Variants in SPICE1 observed in about 807,000 individuals in gnomAD.
SPICE1 encodes spindle and centriole associated protein 1, also known as spindle and centriole-associated protein 1.
In SPICE1, 75 loss-of-function variants were observed where a neutral mutation model predicts 102.7. The observed-to-expected ratio is 0.73, with a 90% CI of 0.61 to 0.88. The LOEUF (loss-of-function observed/expected upper bound fraction) is 0.88. SPICE1 is among the 40% of genes least tolerant of loss of function. SPICE1 has a pLI of 0.00. For missense variants in SPICE1, 979 were observed against 1,020.1 expected (o/e 0.96, Z 0.55); for synonymous variants, 308 against 350.3 (o/e 0.88, Z 1.35).
chr3:113,514,510 C>G, intron 1 of SPICE1: 1 of 385,632 alleles, frequency 2.6e-6, no homozygotes, highest in Admixed American at 3.1e-5. Flanking sequence ...CTTTTCTTTC[C>G]AGTGTTCTCT....
intron 12 of SPICE1, chr3:113,460,119 A>C: frequency 1.0e-6 from 1 of 985,472 alleles, no homozygotes; most frequent in Non-Finnish European, 1.2e-6. Context: ...ATATGATGGC[A>C]CATGAGATGA....
At position 113,468,910 on chromosome 3, in the gene SPICE1, G is replaced by T; in HGVS notation, c.752-11C>A. 1 of 1,598,114 alleles carries T rather than the reference G, an allele frequency of 6.3e-7. No homozygotes were observed. Among genetic ancestry groups the T allele is most frequent in the South Asian group, 1.1e-5 (1 of 87,628 alleles). ...TAGCATTCAGAGCAGCTAAAAGGAAGAACATTTCCAAAAGTATCTCAAGTG... is the reference window on the plus strand; with the variant it reads ...TAGCATTCAGAGCAGCTAAAAGGAATAACATTTCCAAAAGTATCTCAAGTG... On this transcript the variant is annotated splice_polypyrimidine_tract_variant and intron_variant, in intron 8 of 17. Transcript: ENST00000295872.
At chr3:113,459,466 CAAT>C in intron 12 of SPICE1, 1 of 966,610 alleles carries the variant, frequency 1.0e-6, no homozygotes. Context: ...CAAAAAAAAA[CAAT>C]AATTCTACAA....
intron 16 of SPICE1, among the ~76,000 whole-genome samples, chr3:113,447,550 A>G (rs1258599018): frequency 6.6e-6 from 1 of 152,200 alleles, no homozygotes; most frequent in Non-Finnish European, 1.5e-5. Flanking sequence ...ATGGGGAAAA[A>G]GGTCCAGGTA....
Position 113,485,009 on chromosome 3 carries a change from T to G in SPICE1, c.611+3936A>C, listed in dbSNP as rs1329598442. Among the ~76,000 whole-genome samples, 4 of 152,182 alleles carry G rather than the reference T, an allele frequency of 2.6e-5. No homozygotes were observed. The East Asian group carries it at 7.7e-4, about 29-fold the overall frequency. Reference sequence around the variant, plus strand: ...AAGGGAATCCAGGAGGGACTGAGCCTGAGGAACCTTGCACTCTGACCCAGA... The same window carrying G: ...AAGGGAATCCAGGAGGGACTGAGCCGGAGGAACCTTGCACTCTGACCCAGA... On this transcript the variant is annotated intron_variant, in intron 7 of 17. Coordinates refer to ENST00000295872, the MANE Select transcript of SPICE1 (RefSeq NM_144718.4).
At chr3:113,461,227 T>C (rs1286931735) in intron 11 of SPICE1, among the ~76,000 whole-genome samples, 1 of 151,876 alleles carries the variant, frequency 6.6e-6, no homozygotes, top group East Asian at 1.9e-4. Flanking sequence ...AATATAAATA[T>C]TAATTACAAC....
intron 1 of SPICE1, among the ~76,000 whole-genome samples, chr3:113,507,953 A>G (rs1279781973): frequency 6.6e-6 from 1 of 152,162 alleles, no homozygotes; most frequent in African/African-American, 2.4e-5. Flanking sequence ...TACAGAATAT[A>G]ATAGAACAAA....
chr3:113,452,798 T>C (rs1935687575), intron 14 of SPICE1, among the ~76,000 whole-genome samples: 1 of 151,814 alleles, frequency 6.6e-6, no homozygotes, highest in Non-Finnish European at 1.5e-5. Context: ...ACCAACATGG[T>C]GAAACCCCGT....
chr3:113,509,154 G>C (rs1411416917), intron 1 of SPICE1, among the ~76,000 whole-genome samples: 2 of 152,188 alleles, frequency 1.3e-5, no homozygotes, highest in African/African-American at 2.4e-5. Context: ...TCTGAAATTA[G>C]ATAGTAATGT....
In SPICE1 at chr3:113,453,262, T is replaced by C. The variant is rs187690429; in HGVS notation, c.2142+204A>G. On this transcript the variant is annotated intron_variant, in intron 14 of 17. Coordinates refer to ENST00000295872, the MANE Select transcript of SPICE1 (RefSeq NM_144718.4). ...TTTGTCCTATTTTCATTTATATAAT[T>C]TCCCTTTTATGCTGTCTTGTATTGT... Among the ~76,000 whole-genome samples the C allele has an allele frequency of 1.5e-3, 223 of 152,334 alleles. 2 individuals carry two copies. The highest frequency in any genetic ancestry group is 3.4e-3 in the Middle Eastern group (1 of 294).
intron 2 of SPICE1, among the ~76,000 whole-genome samples, chr3:113,505,799 A>C (rs1426163882): frequency 2.1e-5 from 3 of 143,590 alleles, no homozygotes; most frequent in African/African-American, 8.1e-5. Context: ...CTAGCTACTC[A>C]GGAGGCTAAG....
At chr3:113,465,026 A>G (rs892161761) in intron 11 of SPICE1, among the ~76,000 whole-genome samples, 8 of 151,576 alleles carry the variant, frequency 5.3e-5, no homozygotes, top group Non-Finnish European at 1.0e-4. Flanking sequence ...GGATCACTTG[A>G]GCCCAGGAGG....
chr3:113,452,581 G>A (rs1397482488), intron 14 of SPICE1, among the ~76,000 whole-genome samples: 1 of 152,182 alleles, frequency 6.6e-6, no homozygotes, highest in Non-Finnish European at 1.5e-5. Context: ...CTACTTGGGA[G>A]GCTGAGGCAG....
rs759756333 is a variant in SPICE1, at chr3:113,453,525, C to T, written c.2083G>A (p.Glu695Lys). The change falls in exon 14 of 18, where the codon GAG (glutamate) becomes AAG (lysine). Residue 695 changes from glutamate (E) to lysine (K), a missense_variant. Physicochemically the swap from Glu to Lys is moderately conservative, Grantham distance 56. Coordinates refer to ENST00000295872, the MANE Select transcript of SPICE1 (RefSeq NM_144718.4). ...AACTCCCGGAGTCCATCCCCTTGCT[C>T]TCCTCTGGGCTCAATAATATTATTC... ...HMNNIIEPRG[E>K]QGDGLRELNK... The T allele has an allele frequency of 8.7e-6, 14 of 1,613,984 alleles. No individual in the cohort carries two copies. Among genetic ancestry groups the T allele is most frequent in the Non-Finnish European group, 1.2e-5 (14 of 1,179,912 alleles).
chr3:113,464,221 A>AT (rs1935999515), intron 11 of SPICE1, among the ~76,000 whole-genome samples: 1 of 149,934 alleles, frequency 6.7e-6, no homozygotes, highest in Non-Finnish European at 1.5e-5. Flanking sequence ...TGTGAACTAT[A>AT]TTATCAAATT....
intron 7 of SPICE1, among the ~76,000 whole-genome samples, chr3:113,483,260 C>G (rs957665296): frequency 6.6e-6 from 1 of 152,128 alleles, no homozygotes; most frequent in Non-Finnish European, 1.5e-5. Flanking sequence ...GATTTTGTAT[C>G]CTGAGACTTT....
At chr3:113,474,755 A>G (rs888017675) in intron 7 of SPICE1, among the ~76,000 whole-genome samples, 2 of 152,240 alleles carry the variant, frequency 1.3e-5, no homozygotes, top group Non-Finnish European at 2.9e-5. Flanking sequence ...ACAAAGACAC[A>G]ACATACCAGA....
At chr3:113,503,750 T>C (rs1304231903) in intron 2 of SPICE1, among the ~76,000 whole-genome samples, 2 of 151,862 alleles carry the variant, frequency 1.3e-5, no homozygotes, top group Non-Finnish European at 2.9e-5. Context: ...CAGGCCAACA[T>C]GGCAAAACTC....
At position 113,494,122 on chromosome 3, in the gene SPICE1, C is replaced by T. The variant is rs762805126; in HGVS notation, c.312G>A (p.Gln104=). The T allele has an allele frequency of 1.2e-5, 20 of 1,610,040 alleles. No individual in the cohort carries two copies. The South Asian group carries it at 2.2e-4, about 18-fold the overall frequency. The change falls in exon 5 of 18, where the codon CAG becomes CAA. Residue 104 remains glutamine, a synonymous_variant. Transcript: ENST00000295872. ...IMKEILSDQY[Q]MQDVLEKSDH... is the part of the protein sequence containing the mutation. ...CAGATTTCTCCAACACATCTTGCAT[C>T]TGGTATTGATCAGAAAGAATCTAGA...
Sources: gnomAD v4.1 joint callset for allele counts (sites outside exome capture counted in the v4.1 genomes callset) on GRCh38, gnomAD v4.1.1 for gene constraint, MANE v1.5 for transcripts, NCBI Gene and HGNC (gene_info 2026-07-23, HGNC 2026-07-21) for gene names.